EPM2A: variants seen among roughly 807,000 people sequenced by gnomAD.
EPM2A encodes EPM2A glucan phosphatase, laforin.
Under a neutral mutation model 26.5 loss-of-function variants are expected in EPM2A, and 21 were observed. The ratio of observed to expected loss-of-function variants is 0.79; its 90% CI spans 0.56 to 1.14. EPM2A has a LOEUF of 1.14. Among genes scored for constraint, EPM2A ranks in the 50% most tolerant of loss-of-function variants. The pLI is 0.00. For missense variants in EPM2A, 458 were observed against 440.8 expected (o/e 1.04, Z -0.35); for synonymous variants, 217 against 177.6 (o/e 1.22, Z -1.76).
intron 4 of EPM2A, among the ~76,000 whole-genome samples, chr6:145,438,513 A>T (rs1165768996): frequency 3.0e-5 from 4 of 133,344 alleles, no homozygotes; most frequent in Non-Finnish European, 6.2e-5. Context: ...TTGCTCTGTC[A>T]CCCAGGCTGG....
At chr6:145,437,863 C>T (rs1295674501) in intron 4 of EPM2A, among the ~76,000 whole-genome samples, 1 of 152,142 alleles carries the variant, frequency 6.6e-6, no homozygotes, top group Non-Finnish European at 1.5e-5. Context: ...TCAGCTCTTA[C>T]CTGTTTAGGT....
Position 145,484,135 on chromosome 6 carries a change from T to C in EPM2A, c.555+18387A>G, listed in dbSNP as rs566829166. Reference sequence around the variant, plus strand: ...ATCAGAAACAGCTGAAAATTCTATTTTAGTAATTCTGAATAGTAAGTAGAT... The same window carrying C: ...ATCAGAAACAGCTGAAAATTCTATTCTAGTAATTCTGAATAGTAAGTAGAT... On this transcript the variant is annotated intron_variant, in intron 4 of 4. Transcript: ENST00000638717. Among the ~76,000 whole-genome samples the C allele has an allele frequency of 1.3e-5, 2 of 152,114 alleles. 1 individual carries two copies. Among genetic ancestry groups the C allele is most frequent in the Non-Finnish European group, 2.9e-5 (2 of 68,006 alleles).
At chr6:145,710,314 A>G (rs1263586612) in intron 1 of EPM2A, among the ~76,000 whole-genome samples, 1 of 152,246 alleles carries the variant, frequency 6.6e-6, no homozygotes, top group Non-Finnish European at 1.5e-5. Flanking sequence ...GGCGAAGGAT[A>G]TCGACAGACA....
At chr6:145,651,576 C>G (rs577334446) in intron 2 of EPM2A, among the ~76,000 whole-genome samples, 24 of 152,150 alleles carry the variant, frequency 1.6e-4, no homozygotes, top group African/African-American at 5.8e-4. Context: ...GAGGTACTAA[C>G]GAAATGCCTT....
At chr6:145,725,389 C>T (rs1319376024) in intron 1 of EPM2A, among the ~76,000 whole-genome samples, 1 of 151,996 alleles carries the variant, frequency 6.6e-6, no homozygotes, top group Non-Finnish European at 1.5e-5. Flanking sequence ...CAGTTTCTTA[C>T]AATGCTGAGT....
intron 4 of EPM2A, among the ~76,000 whole-genome samples, chr6:145,452,489 C>CAAAAAAAAAAAAAAAAAA (rs563777945): frequency 2.6e-5 from 2 of 75,862 alleles, no homozygotes; most frequent in African/African-American, 1.2e-4. Context: ...ACTAAAAATA[C>CAAAAAAAAAAAAAAAAAA]AAAAAAAAAA....
intron 1 of EPM2A, among the ~76,000 whole-genome samples, chr6:145,727,140 A>T (rs567936584): frequency 2.6e-5 from 4 of 152,306 alleles, no homozygotes; most frequent in Non-Finnish European, 5.9e-5. Context: ...AAGTAGTCAA[A>T]TACTATCAAT....
rs1219929893 is a variant in EPM2A at position 145,464,861 on chromosome 6, C to G, written c.555+37661G>C. ...ATAAATCTGCTGTAAGTCTGATGGG[C>G]TTCCCTTTGAGGGTAACCCAACCTT... is the stretch of plus-strand genomic sequence containing the variant. On this transcript the variant is annotated intron_variant, in intron 4 of 4. Coordinates refer to the EPM2A transcript ENST00000638717. 2.0e-5 allele frequency among the ~76,000 whole-genome samples: 3 copies of G among 152,154 alleles called. No homozygotes were observed. The East Asian group carries it at 5.8e-4, about 29-fold the overall frequency.
chr6:145,705,840 G>C (rs994430674), intron 1 of EPM2A: 3 of 456,186 alleles, frequency 6.6e-6, no homozygotes, highest in Non-Finnish European at 1.3e-5. Flanking sequence ...TCTTCCCCTG[G>C]GGAGAGGACA....
chr6:145,627,201 C>A lies in EPM2A; in HGVS notation c.*215G>T. ...ACAGCCTAACTGCTTCGTGCTTCTT[C>A]TCATGTGTTGAGCCACAGCTTTCTT... On this transcript the variant is annotated 3_prime_UTR_variant, in exon 4 of 4. Coordinates refer to ENST00000367519, the MANE Select transcript of EPM2A (RefSeq NM_005670.4). The A allele has an allele frequency of 6.9e-7, 1 of 1,439,168 alleles. No individual in the cohort carries two copies. Among genetic ancestry groups the A allele is most frequent in the Non-Finnish European group, 9.1e-7 (1 of 1,102,210 alleles). The allele number at this position is 1,439,168 out of a possible 1,614,324, so 89.1% of individuals were successfully genotyped here.
At chr6:145,601,147 A>G (rs1275801497) in intron 2 of EPM2A, among the ~76,000 whole-genome samples, 2 of 152,178 alleles carry the variant, frequency 1.3e-5, no homozygotes, top group East Asian at 3.9e-4. Context: ...ACTTATTTAT[A>G]TTAGATTTTT....
chr6:145,697,153 C>T (rs912891340), intron 1 of EPM2A, among the ~76,000 whole-genome samples: 11 of 151,890 alleles, frequency 7.2e-5, no homozygotes, highest in African/African-American at 1.9e-4. Context: ...AAGTGTCAGC[C>T]GATCTGAGAA....
chr6:145,700,488 T>C (rs1162483998), intron 1 of EPM2A, among the ~76,000 whole-genome samples: 1 of 152,160 alleles, frequency 6.6e-6, no homozygotes, highest in East Asian at 1.9e-4. Context: ...ATTAGTCTCA[T>C]TGTATAAGCA....
chr6:145,666,906 A>G (rs1779245187), intron 2 of EPM2A, among the ~76,000 whole-genome samples: 1 of 144,062 alleles, frequency 6.9e-6, no homozygotes, highest in Admixed American at 6.8e-5. Flanking sequence ...AAAAACAAGC[A>G]ATGGGGAAAG....
chr6:145,512,348 A>T (rs183876062), intron 2 of EPM2A, among the ~76,000 whole-genome samples: 182 of 152,302 alleles, frequency 1.2e-3, no homozygotes, highest in Middle Eastern at 0.01. Flanking sequence ...ACTTCAAATT[A>T]TACTACAAGG....
At chr6:145,503,238 G>A (rs1262085790) in intron 2 of EPM2A, among the ~76,000 whole-genome samples, 3 of 151,790 alleles carry the variant, frequency 2.0e-5, no homozygotes, top group Non-Finnish European at 4.4e-5. Flanking sequence ...GGAAGTTCTG[G>A]CCAGGGCAAT....
At chr6:145,659,961 G>T (rs920898709) in intron 2 of EPM2A, among the ~76,000 whole-genome samples, 1 of 152,016 alleles carries the variant, frequency 6.6e-6, no homozygotes, top group Non-Finnish European at 1.5e-5. Context: ...TAGCAGAGTC[G>T]CTTTGAACCT....
At chr6:145,461,202 A>G (rs1481118324) in intron 4 of EPM2A, among the ~76,000 whole-genome samples, 3 of 152,220 alleles carry the variant, frequency 2.0e-5, no homozygotes, top group Non-Finnish European at 2.9e-5. Flanking sequence ...GTCTAATTTG[A>G]GCAGTTGAGC....
At chr6:145,482,408 C>A (rs1029962364) in intron 4 of EPM2A, among the ~76,000 whole-genome samples, 2 of 152,094 alleles carry the variant, frequency 1.3e-5, no homozygotes, top group Non-Finnish European at 2.9e-5. Context: ...TTAAATGGAG[C>A]TCTTTTTGCT....
Sources: allele counts gnomAD v4.1 joint callset (sites outside exome capture counted in the v4.1 genomes callset), GRCh38; gene constraint gnomAD v4.1.1; transcripts MANE v1.5; gene names NCBI Gene and HGNC (gene_info 2026-07-23, HGNC 2026-07-21).